NT5C3A: variants seen among roughly 807,000 people sequenced by gnomAD.
NT5C3A encodes the protein cytosolic 5'-nucleotidase 3A.
NT5C3A carries 23 observed loss-of-function variants against 40.0 expected under a neutral mutation model. The ratio of observed to expected loss-of-function variants is 0.58; its 90% CI spans 0.41 to 0.81. The LOEUF (loss-of-function observed/expected upper bound fraction) is 0.81. Ranked by LOEUF, NT5C3A falls within the 40% of genes least tolerant of loss-of-function variation. The pLI is 0.00. For synonymous variants in NT5C3A, 130 were observed against 141.4 expected (o/e 0.92, Z 0.57); for missense variants, 328 against 403.0 (o/e 0.81, Z 1.59).
At chr7:33,032,598 G>A (rs898763616) in intron 1 of NT5C3A, among the ~76,000 whole-genome samples, 1 of 151,526 alleles carries the variant, frequency 6.6e-6, no homozygotes, top group Non-Finnish European at 1.5e-5. Context: ...TGGGACTACA[G>A]GGGCTCACCA....
intron 1 of NT5C3A, among the ~76,000 whole-genome samples, chr7:33,042,399 C>T (rs975414564): frequency 1.3e-4 from 19 of 152,000 alleles, no homozygotes; most frequent in Non-Finnish European, 2.5e-4. Context: ...ATCTACCAAA[C>T]GTGAAACCTT....
chr7:33,048,640 A>C (rs111817149), intron 1 of NT5C3A, among the ~76,000 whole-genome samples: 4 of 152,334 alleles, frequency 2.6e-5, no homozygotes, highest in African/African-American at 9.6e-5. Context: ...TCAGTAGCTC[A>C]AAATTAAATA....
chr7:33,032,454 G>GTTT (rs913843417), intron 1 of NT5C3A, among the ~76,000 whole-genome samples: 7 of 145,526 alleles, frequency 4.8e-5, no homozygotes, highest in Admixed American at 2.1e-4. Flanking sequence ...TTACTTTTAT[G>GTTT]TTTTTTTATT....
At chr7:33,048,295 T>C (rs1346010363) in intron 1 of NT5C3A, among the ~76,000 whole-genome samples, 1 of 151,976 alleles carries the variant, frequency 6.6e-6, no homozygotes, top group Non-Finnish European at 1.5e-5. Flanking sequence ...TCCTCCTGCC[T>C]CCACCTCCCA....
intron 1 of NT5C3A, among the ~76,000 whole-genome samples, chr7:33,048,972 A>G (rs575866160): frequency 6.6e-6 from 1 of 152,316 alleles, no homozygotes; most frequent in African/African-American, 2.4e-5. Flanking sequence ...TAAGTTGAAC[A>G]AAATTAGCTT....
chr7:33,053,543 C>T (rs976597955), intron 1 of NT5C3A, among the ~76,000 whole-genome samples: 3 of 121,516 alleles, frequency 2.5e-5, no homozygotes, highest in Admixed American at 9.0e-5. Flanking sequence ...TGTCTGTAAT[C>T]CCAGCTACTT....
At chr7:33,046,195 A>G (rs1426737315) in intron 1 of NT5C3A, 2 of 152,232 alleles carry the variant, frequency 1.3e-5, no homozygotes, top group African/African-American at 4.8e-5. Flanking sequence ...ATGTATATGC[A>G]AACTGATGAG....
chr7:33,042,885 C>A (rs1158504314), intron 1 of NT5C3A, among the ~76,000 whole-genome samples: 1 of 152,066 alleles, frequency 6.6e-6, no homozygotes, highest in African/African-American at 2.4e-5. Flanking sequence ...TTCAAATGTT[C>A]ACTAATACAG....
rs749622529 is a variant in NT5C3A, at chr7:33,017,558, T to A, written c.574A>T (p.Ile192Phe). Reference protein sequence around the residue: ...NFFDKLQQHSIPVFIFSAGIG... With the variant: ...NFFDKLQQHSFPVFIFSAGIG... ...CCAGCCGAAAATATGAACACGGGGA[T>A]GCTATGTTGTTGGAGCTTATCAAAG... The change falls in exon 7 of 9, where the codon ATC (isoleucine) becomes TTC (phenylalanine). Residue 192 changes from isoleucine (I) to phenylalanine (F), a missense_variant. This residue lies in a region of NT5C3A where 280 missense variants were observed against 317.2 expected (regional missense o/e 0.88). Transcript: ENST00000610140. 6 of 1,613,900 alleles carry A rather than the reference T, an allele frequency of 3.7e-6. No homozygotes were observed. The highest frequency in any genetic ancestry group is 5.1e-6 in the Non-Finnish European group (6 of 1,179,768).
intron 2 of NT5C3A, among the ~76,000 whole-genome samples, chr7:33,026,312 G>A (rs1785925374): frequency 8.0e-6 from 1 of 125,422 alleles, no homozygotes; most frequent in Non-Finnish European, 1.6e-5. Context: ...TTGCGCCACT[G>A]CACTCCAGGC....
chr7:33,033,839 T>A (rs1342094567), intron 1 of NT5C3A, among the ~76,000 whole-genome samples: 1 of 149,688 alleles, frequency 6.7e-6, no homozygotes, highest in Non-Finnish European at 1.5e-5. Flanking sequence ...TCATGAGAAG[T>A]AAAGAATAAC....
At chr7:33,039,106 G>T (rs1182879623) in intron 1 of NT5C3A, among the ~76,000 whole-genome samples, 3 of 152,082 alleles carry the variant, frequency 2.0e-5, no homozygotes, top group African/African-American at 7.2e-5. Context: ...GAAGCAAGAG[G>T]TAAGAACTTC....
At position 33,056,516 on chromosome 7, in the gene NT5C3A, AT is replaced by A. The variant is rs1562605856; in HGVS notation, c.138+6051del. Among the ~76,000 whole-genome samples, 357 of 122,900 alleles carry A rather than the reference AT, an allele frequency of 2.9e-3. 13 individuals carry two copies. Among genetic ancestry groups the A allele is most frequent in the African/African-American group, 0.011 (344 of 31,304 alleles). The allele number at this position is 122,900 out of a possible 152,430, so 80.6% of individuals were successfully genotyped here. On this transcript the variant is annotated intron_variant, in intron 1 of 8. Coordinates refer to ENST00000610140, the MANE Select transcript of NT5C3A (RefSeq NM_001002010.5). ...AAAAAAAAAAAAAAAAAAAAAAAAA[AT>A]TTAACTTAGCCAGGTGTGGCGCCAC...
intron 1 of NT5C3A, among the ~76,000 whole-genome samples, chr7:33,039,562 G>GTTTTTTTTTTTTT (rs770430109): frequency 8.3e-6 from 1 of 120,512 alleles, no homozygotes; most frequent in African/African-American, 3.3e-5. Context: ...TGGGTTTTTT[G>GTTTTTTTTTTTTT]TTTTTTTTTT....
chr7:33,045,762 T>G (rs1787119478), intron 1 of NT5C3A: 1 of 64,662 alleles, frequency 1.5e-5, no homozygotes, highest in South Asian at 3.9e-4. Context: ...CGGCCCTCAT[T>G]TTTTTTTTTA....
At chr7:33,016,059 GA>G in intron 7 of NT5C3A, 189 bp from the exon 8 acceptor site, 1 of 583,708 alleles carries the variant, frequency 1.7e-6, no homozygotes, top group South Asian at 2.0e-5. Flanking sequence ...AGAAGTAAAT[GA>G]TTTTTTAGAT....
Position 33,024,174 on chromosome 7 carries a change from AC to A in NT5C3A, c.238-67del. 3 of 853,426 alleles carry A rather than the reference AC, an allele frequency of 3.5e-6. No individual in the cohort carries two copies. The South Asian group carries it at 4.1e-5, about 12-fold the overall frequency. 52.9% of individuals were successfully genotyped at this position (853,426 alleles called of 1,614,324 possible). ...CACATGGCCAGAATTTCTCTGTGCT[AC>A]CCAAACACATACTTCATGCTTTCCT... On this transcript the variant is annotated intron_variant, in intron 2 of 8. Transcript: ENST00000610140.
At chr7:33,033,308 A>G (rs777504375) in intron 1 of NT5C3A, among the ~76,000 whole-genome samples, 1 of 152,182 alleles carries the variant, frequency 6.6e-6, no homozygotes, top group Non-Finnish European at 1.5e-5. Context: ...TGGTACATTT[A>G]CCCCCACACA....
chr7:33,035,728 C>T lies in NT5C3A; in HGVS notation c.139-8813G>A, dbSNP rs558332554. On this transcript the variant is annotated intron_variant, in intron 1 of 8. Transcript: ENST00000610140. ...GAAACATTTTATATTCTGAGAAGCA[C>T]GACAATGTGCATTAGATTTCAAGCA... 1.6e-4 allele frequency among the ~76,000 whole-genome samples: 24 copies of T among 152,186 alleles called. No individual in the cohort carries two copies. In the East Asian group the frequency reaches 2.9e-3, roughly 18 times the overall value.
Sources: gnomAD v4.1 joint callset for allele counts (sites outside exome capture counted in the v4.1 genomes callset) on GRCh38, gnomAD v4.1.1 for gene constraint, gnomAD v4.1.1 regional missense constraint, MANE v1.5 for transcripts, NCBI Gene and HGNC (gene_info 2026-07-23, HGNC 2026-07-21) for gene names.